The following KARS1 variants were observed in gnomAD, a reference collection of about 807,000 sequenced individuals.
KARS1 encodes lysyl-tRNA synthetase 1, also known as lysine--tRNA ligase.
Under a neutral mutation model 63.9 loss-of-function variants are expected in KARS1, and 50 were observed. That is an observed-to-expected ratio of 0.78 (90% CI 0.62 to 0.99). KARS1 has a LOEUF of 0.99. KARS1 is among the 50% of genes least tolerant of loss of function. KARS1 has a pLI of 0.00. For synonymous variants in KARS1, 320 were observed against 264.6 expected (o/e 1.21, Z -2.03); for missense variants, 816 against 754.5 (o/e 1.08, Z -0.95).
chr16:75,646,151 G>C (rs1316004585), intron 1 of KARS1, among the ~76,000 whole-genome samples: 1 of 152,172 alleles, frequency 6.6e-6, no homozygotes, highest in Non-Finnish European at 1.5e-5. Context: ...TCTAATAAAG[G>C]ACAATATATT....
At chr16:75,636,352 CCTT>C (rs2082161545) in intron 4 of KARS1, 99 bp downstream of exon 4, 7 of 883,652 alleles carry the variant, frequency 7.9e-6, no homozygotes, top group Non-Finnish European at 1.4e-5. Context: ...ATGTCCCACT[CCTT>C]CTTACTCTAA....
intron 1 of KARS1, among the ~76,000 whole-genome samples, chr16:75,642,261 T>A (rs2082234729): frequency 7.4e-6 from 1 of 134,480 alleles, no homozygotes; most frequent in Non-Finnish European, 1.6e-5. Flanking sequence ...TGGAGTGCAG[T>A]CACAATCTCA....
intron 1 of KARS1, among the ~76,000 whole-genome samples, chr16:75,643,378 C>CT (rs1597177061): frequency 1.3e-5 from 2 of 150,956 alleles, no homozygotes; most frequent in East Asian, 3.9e-4. Flanking sequence ...GAATCTTTCA[C>CT]CTTTTTTTTT....
Position 75,636,148 on chromosome 16 carries a change from G to A in KARS1, c.483-50C>T, listed in dbSNP as rs1372109859. On this transcript the variant is annotated intron_variant, in intron 4 of 13. Transcript: ENST00000302445. The stretch of plus-strand genomic sequence containing the variant: ...AGTAACAACAATTCAAATGAACACT[G>A]ACCACTGGTCTCCTCTGGAACCCTC... 5 of 1,145,694 alleles carry A rather than the reference G, an allele frequency of 4.4e-6. No homozygotes were observed. In the South Asian group the frequency reaches 5.1e-5, roughly 12 times the overall value. The allele number at this position is 1,145,694 out of a possible 1,614,324, so 71.0% of individuals were successfully genotyped here. A position where few individuals can be genotyped will look rare whatever the true frequency, so the allele number is the denominator to read the frequency against.
At chr16:75,645,268 T>G (rs1272714304) in intron 1 of KARS1, among the ~76,000 whole-genome samples, 1 of 152,160 alleles carries the variant, frequency 6.6e-6, no homozygotes, top group Non-Finnish European at 1.5e-5. Flanking sequence ...TAAGACAACG[T>G]GAGTAGTGCT....
intron 10 of KARS1, 86 bp from the exon 11 acceptor site, chr16:75,630,594 T>C (rs976617266): frequency 3.8e-6 from 3 of 780,962 alleles, no homozygotes; most frequent in Non-Finnish European, 6.9e-6. Flanking sequence ...TCAGCTCCCA[T>C]CCAGATGGGT....
intron 1 of KARS1, among the ~76,000 whole-genome samples, chr16:75,646,210 T>A (rs2082281807): frequency 6.6e-6 from 1 of 152,218 alleles, no homozygotes; most frequent in Admixed American, 6.5e-5. Context: ...ATACTTTTTC[T>A]AAGATATTTG....
At chr16:75,636,931 C>T (rs113813120) in intron 3 of KARS1, among the ~76,000 whole-genome samples, 4,680 of 150,066 alleles carry the variant, frequency 0.031, 109 homozygotes, top group African/African-American at 0.064. Flanking sequence ...TGAGCCCCCA[C>T]ACCCGGCCTG....
chr16:75,631,820 T>C lies in KARS1; in HGVS notation c.951A>G (p.Glu317=). The C allele has an allele frequency of 6.2e-7, 1 of 1,614,112 alleles. No homozygotes were observed. Among genetic ancestry groups the C allele is most frequent in the Admixed American group, 1.7e-5 (1 of 60,026 alleles). The change falls in exon 8 of 14, where the codon GAA becomes GAG. Residue 317 remains glutamate, a synonymous_variant. Transcript: ENST00000302445. The part of the protein sequence containing the change: ...LVVGGIDRVY[E]IGRQFRNEGI... Reference sequence around the variant, plus strand: ...CCTCATTCCGGAACTGGCGTCCAATTTCATAAACCCGGTCGATGCCACCAA... The same window carrying C: ...CCTCATTCCGGAACTGGCGTCCAATCTCATAAACCCGGTCGATGCCACCAA...
rs370077957 is a variant in KARS1, at chr16:75,640,354, T to TAAAAA, written c.223-10_223-6dup. The TAAAAA allele has an allele frequency of 2.0e-6, 3 of 1,535,132 alleles. No individual in the cohort carries two copies. The highest frequency in any genetic ancestry group is 8.8e-7 in the Non-Finnish European group (1 of 1,137,256). On this transcript the variant is annotated splice_polypyrimidine_tract_variant and splice_region_variant and intron_variant, in intron 2 of 13. Coordinates refer to ENST00000302445, the MANE Select transcript of KARS1 (RefSeq NM_005548.3). The stretch of plus-strand genomic sequence containing the variant: ...ACTGCGGATTTTGTAGTATTGCTGT[T>TAAAAA]AAAAAAAAAAAAAAAAAAGCCCTTC...
intron 1 of KARS1, among the ~76,000 whole-genome samples, chr16:75,647,177 G>C (rs544363359): frequency 6.6e-6 from 1 of 152,320 alleles, no homozygotes; most frequent in South Asian, 2.1e-4. Context: ...AGGTCTTTCT[G>C]AAAAGCTAGG....
At chr16:75,644,862 G>A (rs2082263966) in intron 1 of KARS1, among the ~76,000 whole-genome samples, 2 of 152,186 alleles carry the variant, frequency 1.3e-5, no homozygotes, top group South Asian at 4.1e-4. Flanking sequence ...AGAGGAAACT[G>A]TCACTATCAA....
chr16:75,636,376 C>T lies in KARS1; in HGVS notation c.482+78G>A, dbSNP rs544779223. 6 of 965,376 alleles carry T rather than the reference C, an allele frequency of 6.2e-6. No individual in the cohort carries two copies. The East Asian group carries it at 1.4e-4, about 23-fold the overall frequency. 59.8% of individuals were successfully genotyped at this position (965,376 alleles called of 1,614,324 possible). A position where few individuals can be genotyped will look rare whatever the true frequency, so the allele number is the denominator to read the frequency against. The stretch of plus-strand genomic sequence containing the variant: ...TCCTTCTTACTCTAACTTCAAATAC[C>T]AGTAAGACCACATCAGCCTATTGCT... On this transcript the variant is annotated intron_variant, in intron 4 of 13. Transcript: ENST00000302445.
Position 75,635,718 on chromosome 16 carries a change from A to G in KARS1, c.757T>C (p.Tyr253His), listed in dbSNP as rs1309985968. 8 of 1,613,960 alleles carry G rather than the reference A, an allele frequency of 5.0e-6. No homozygotes were observed. Among genetic ancestry groups the G allele is most frequent in the Non-Finnish European group, 6.8e-6 (8 of 1,179,914 alleles). Residue 253 changes from tyrosine to histidine, a missense_variant, in exon 6 of 14, where the codon TAT (tyrosine) becomes CAT (histidine). By Grantham distance (83) the Tyr-to-His change is moderately conservative. Coordinates refer to ENST00000302445, the MANE Select transcript of KARS1 (RefSeq NM_005548.3). The part of the protein sequence containing the change: ...KFIIRSKIIT[Y>H]IRSFLDELGF... ...AGCTCATCTAAGAAACTTCTTATAT[A>G]TGTGATGATCTTAGAGCGGATGATA...
intron 3 of KARS1, among the ~76,000 whole-genome samples, chr16:75,637,776 T>C (rs2082177877): frequency 9.7e-6 from 1 of 103,246 alleles, no homozygotes; most frequent in Admixed American, 1.3e-4. Flanking sequence ...CAAAACTCAG[T>C]CTCAAAAAAA....
intron 1 of KARS1, among the ~76,000 whole-genome samples, chr16:75,645,205 G>GA (rs3837756): frequency 0.17 from 25,195 of 152,082 alleles, 2,218 homozygotes; most frequent in Middle Eastern, 0.23. Flanking sequence ...ATGTTAATCA[G>GA]AAAAAAATTA....
rs1051631761 is a variant in KARS1 at position 75,627,790 on chromosome 16, C to A, written c.*105G>T. 5.1e-6 allele frequency: 4 copies of A among 782,054 alleles called. No homozygotes were observed. Among genetic ancestry groups the A allele is most frequent in the South Asian group, 1.4e-5 (1 of 73,688 alleles). The allele number at this position is 782,054 out of a possible 1,614,324, so 48.4% of individuals were successfully genotyped here. ...TCTCTCTTCTGATGGCTGAACAGAA[C>A]TGCGGTGTCAAATGGAAAGCAGCAC... On this transcript the variant is annotated 3_prime_UTR_variant, in exon 14 of 14. Coordinates refer to ENST00000302445, the MANE Select transcript of KARS1 (RefSeq NM_005548.3).
chr16:75,637,410 C>G (rs956533486), intron 3 of KARS1, among the ~76,000 whole-genome samples: 3 of 152,060 alleles, frequency 2.0e-5, no homozygotes, highest in Non-Finnish European at 4.4e-5. Context: ...TTCCTCCAGG[C>G]TCACTGGGGG....
intron 2 of KARS1, among the ~76,000 whole-genome samples, chr16:75,640,896 A>G (rs770300994): frequency 3.3e-5 from 5 of 152,282 alleles, no homozygotes; most frequent in Non-Finnish European, 7.4e-5. Context: ...GTTCCAATAC[A>G]ATTTTACTAG....
Sources: allele counts gnomAD v4.1 joint callset (sites outside exome capture counted in the v4.1 genomes callset), GRCh38; gene constraint gnomAD v4.1.1; transcripts MANE v1.5; gene names NCBI Gene and HGNC (gene_info 2026-07-23, HGNC 2026-07-21).